Variants in RYR3 observed in about 807,000 individuals in gnomAD.
The protein encoded by RYR3 is ryanodine receptor 3, also known as brain ryanodine receptor-calcium release channel.
A neutral mutation model predicts 584.3 loss-of-function variants in RYR3; 207 were observed. The ratio of observed to expected loss-of-function variants is 0.35; its 90% CI spans 0.32 to 0.40. The LOEUF (loss-of-function observed/expected upper bound fraction) is 0.40, where lower values mean the gene tolerates loss of function less well. Ranked by LOEUF, RYR3 falls within the 10% of genes least tolerant of loss-of-function variation. The pLI is 1.00. For missense variants in RYR3, 5,616 were observed against 6,089.2 expected (o/e 0.92, Z 2.59); for synonymous variants, 2,416 against 2,248.5 (o/e 1.07, Z -2.11).
Position 33,473,514 on chromosome 15 carries a change from C to T in RYR3, c.147C>T (p.Phe49=), listed in dbSNP as rs80182654. Reference sequence around the variant, plus strand: ...AGGGACTTGGGAATCGCCTGTGCTTCTTGGAACCCACTTCAGAAGCCAAGG... The same window carrying T: ...AGGGACTTGGGAATCGCCTGTGCTTTTTGGAACCCACTTCAGAAGCCAAGG... ...AAEGLGNRLC[F]LEPTSEAKYI... is the part of the protein sequence containing the mutation. The change falls in exon 2 of 104, where the codon TTC becomes TTT. Residue 49 remains phenylalanine, a synonymous_variant. Transcript: ENST00000634891. 3.2e-5 allele frequency: 52 copies of T among 1,614,022 alleles called. No individual in the cohort carries two copies. The highest frequency in any genetic ancestry group is 2.5e-4 in the African/African-American group (19 of 75,050).
chr15:33,728,313 T>C (rs887380252), intron 46 of RYR3, among the ~76,000 whole-genome samples: 4 of 152,190 alleles, frequency 2.6e-5, no homozygotes, highest in Admixed American at 6.5e-5. Flanking sequence ...ACAAATACAA[T>C]TGATGCAAAA....
chr15:33,376,548 G>T (rs572825491), intron 1 of RYR3, among the ~76,000 whole-genome samples: 1 of 152,312 alleles, frequency 6.6e-6, no homozygotes, highest in Admixed American at 6.5e-5. Flanking sequence ...TTGGATGAGG[G>T]CTACCCCCTG....
chr15:33,699,997 CA>C (rs1314094166), intron 41 of RYR3, among the ~76,000 whole-genome samples, 164 bp downstream of exon 41: 1 of 152,234 alleles, frequency 6.6e-6, no homozygotes, highest in African/African-American at 2.4e-5. Context: ...AACGATGCCA[CA>C]AGAACGTTCT....
At chr15:33,834,346 CAAACTAAGTTATTCCTCTACATTTGGCTT>C (rs2077895285) in intron 86 of RYR3, among the ~76,000 whole-genome samples, 1 of 148,890 alleles carries the variant, frequency 6.7e-6, no homozygotes, top group South Asian at 2.1e-4. Flanking sequence ...ATGGAAAATG[CAAACTAAGTTATTCCTCTACATTTGGCTT>C]TCAGAAAAGT....
chr15:33,805,847 G>GTC (rs751191262), intron 69 of RYR3, among the ~76,000 whole-genome samples: 3 of 151,654 alleles, frequency 2.0e-5, no homozygotes, highest in Non-Finnish European at 2.9e-5. Flanking sequence ...TGCATACTCT[G>GTC]TCTCTCTCTC....
chr15:33,558,830 C>T (rs1403042752), intron 10 of RYR3, among the ~76,000 whole-genome samples: 4 of 152,272 alleles, frequency 2.6e-5, no homozygotes, highest in Non-Finnish European at 5.9e-5. Flanking sequence ...ACTCACAGTT[C>T]CCAAGAGGAA....
At chr15:33,428,175 G>T (rs1428295835) in intron 1 of RYR3, among the ~76,000 whole-genome samples, 4 of 152,164 alleles carry the variant, frequency 2.6e-5, no homozygotes, top group Non-Finnish European at 5.9e-5. Context: ...TAAGCTTATT[G>T]TTCATCATAT....
chr15:33,702,159 A>G (rs116112746), intron 42 of RYR3, among the ~76,000 whole-genome samples: 1,800 of 152,282 alleles, frequency 0.012, 43 homozygotes, highest in African/African-American at 0.041. Flanking sequence ...AGTCAGTGGC[A>G]CAGCCAGGCA....
chr15:33,648,837 G>A (rs1033866996), intron 30 of RYR3, among the ~76,000 whole-genome samples: 18 of 152,212 alleles, frequency 1.2e-4, no homozygotes, highest in African/African-American at 4.3e-4. Flanking sequence ...ATTAGCTTAA[G>A]CATTTGCTTT....
chr15:33,747,645 G>A (rs984625234), intron 53 of RYR3, among the ~76,000 whole-genome samples: 10 of 151,854 alleles, frequency 6.6e-5, no homozygotes, highest in African/African-American at 9.7e-5. Context: ...GCCTGGTGTC[G>A]AATTTCTGAC....
intron 38 of RYR3, among the ~76,000 whole-genome samples, chr15:33,676,241 T>TTAA (rs371854845): frequency 2.8e-5 from 4 of 143,330 alleles, no homozygotes; most frequent in South Asian, 4.5e-4. Context: ...CTCTAGAAGG[T>TTAA]AAAAAAAAAA....
chr15:33,499,063 C>A lies in RYR3; in HGVS notation c.172-4568C>A, dbSNP rs1430026243. On this transcript the variant is annotated intron_variant, in intron 2 of 103. Transcript: ENST00000634891. ...TCCTACATAACTTGCTCTAATGGCA[C>A]CCTATTCTCTGAAAATGAAGCCCAA... Among the ~76,000 whole-genome samples, 4 of 152,162 alleles carry A rather than the reference C, an allele frequency of 2.6e-5. No homozygotes were observed. The East Asian group carries it at 7.7e-4, about 29-fold the overall frequency.
At chr15:33,840,678 G>C in intron 89 of RYR3, 147 bp from the exon 90 acceptor site, 1 of 698,814 alleles carries the variant, frequency 1.4e-6, no homozygotes, top group South Asian at 1.7e-5. Flanking sequence ...TATATAGCAG[G>C]ACACTTATGT....
At chr15:33,420,265 G>T (rs925510146) in intron 1 of RYR3, among the ~76,000 whole-genome samples, 20 of 152,154 alleles carry the variant, frequency 1.3e-4, no homozygotes, top group African/African-American at 3.6e-4. Context: ...AATATAATTG[G>T]GTTCCTCCTT....
chr15:33,671,962 C>T lies in RYR3; in HGVS notation c.5860+1406C>T, dbSNP rs200109547. 7.2e-5 allele frequency among the ~76,000 whole-genome samples: 11 copies of T among 151,752 alleles called. No homozygotes were observed. In the East Asian group the frequency reaches 1.2e-3, roughly 16 times the overall value. On this transcript the variant is annotated intron_variant, in intron 38 of 103. Transcript: ENST00000634891. The stretch of plus-strand genomic sequence containing the variant: ...CCAAATAGCTGGGATTACAGGCATG[C>T]GCCACCATGTCTGGCTAATTTTTGT...
At chr15:33,657,353 T>C (rs2062875442) in intron 32 of RYR3, among the ~76,000 whole-genome samples, 1 of 152,208 alleles carries the variant, frequency 6.6e-6, no homozygotes, top group African/African-American at 2.4e-5. Flanking sequence ...CTGGTGTGAT[T>C]CGACTGAATG....
chr15:33,831,042 C>T lies in RYR3; in HGVS notation c.11414C>T (p.Ala3805Val). The T allele has an allele frequency of 1.2e-6, 2 of 1,613,740 alleles. No individual in the cohort carries two copies. The highest frequency in any genetic ancestry group is 1.1e-5 in the South Asian group (1 of 91,066). The change falls in exon 86 of 104, where the codon GCT becomes GTT. Residue 3805 changes from alanine to valine, a missense_variant. By Grantham distance (64) the Ala-to-Val change is moderately conservative. Coordinates refer to ENST00000634891, the MANE Select transcript of RYR3 (RefSeq NM_001036.6). ...TCTGGACAGCACAATTTTTCCAAAG[C>T]TCTGGCAGTCACCAAGCAGATTTTC... ...DESGQHNFSK[A>V]LAVTKQIFNS...
At chr15:33,456,062 T>C (rs1221466707) in intron 1 of RYR3, among the ~76,000 whole-genome samples, 1 of 152,194 alleles carries the variant, frequency 6.6e-6, no homozygotes, top group East Asian at 1.9e-4. Flanking sequence ...TGTAATCTAA[T>C]CTTGAAAATT....
intron 91 of RYR3, 105 bp from the exon 92 acceptor site, chr15:33,843,383 G>A (rs1034009949): frequency 2.6e-5 from 19 of 721,912 alleles, no homozygotes; most frequent in East Asian, 2.8e-5. Flanking sequence ...AGAGTAGGAC[G>A]AGTCAAGTGT....
Sources: allele counts gnomAD v4.1 joint callset (sites outside exome capture counted in the v4.1 genomes callset), GRCh38; gene constraint gnomAD v4.1.1; transcripts MANE v1.5; gene names NCBI Gene and HGNC (gene_info 2026-07-23, HGNC 2026-07-21).